The following PRKN variants were observed in gnomAD, a reference collection of about 807,000 sequenced individuals.
PRKN encodes the protein E3 ubiquitin-protein ligase parkin.
In PRKN, 56 loss-of-function variants were observed where a neutral mutation model predicts 59.5. The observed-to-expected ratio is 0.94, with a 90% CI of 0.76 to 1.18. The LOEUF is 1.18. PRKN is among the 50% of genes most tolerant of loss of function. The pLI is 0.00. For synonymous variants in PRKN, 250 were observed against 222.1 expected (o/e 1.13, Z -1.12); for missense variants, 657 against 596.4 (o/e 1.10, Z -1.06).
chr6:162,626,800 C>T lies in PRKN; in HGVS notation c.7+100862G>A, dbSNP rs1303618481. Among the ~76,000 whole-genome samples the T allele has an allele frequency of 1.4e-4, 18 of 131,514 alleles. No homozygotes were observed. In the East Asian group the frequency reaches 2.4e-3, roughly 17 times the overall value. The allele number at this position is 131,514 out of a possible 152,430, so 86.3% of individuals were successfully genotyped here. Reference sequence around the variant, plus strand: ...CTGCACTCCAGCCTGGACAACACAGCGAGACTCTGTCTCCAAAAAAAAAAA... The same window carrying T: ...CTGCACTCCAGCCTGGACAACACAGTGAGACTCTGTCTCCAAAAAAAAAAA... On this transcript the variant is annotated intron_variant, in intron 1 of 11. Transcript: ENST00000366898.
chr6:162,240,707 C>T (rs766466925), intron 3 of PRKN, among the ~76,000 whole-genome samples: 3 of 152,148 alleles, frequency 2.0e-5, no homozygotes, highest in Admixed American at 6.5e-5. Context: ...TGTATAATTG[C>T]GTCCAAATCC....
intron 4 of PRKN, among the ~76,000 whole-genome samples, chr6:162,180,795 T>C (rs1783768482): frequency 6.6e-6 from 1 of 152,314 alleles, no homozygotes; most frequent in African/African-American, 2.4e-5. Context: ...GCAAGTGCGT[T>C]ATACAACAGG....
chr6:162,101,597 G>A (rs1425459163), intron 4 of PRKN, among the ~76,000 whole-genome samples: 12 of 151,984 alleles, frequency 7.9e-5, no homozygotes, highest in Admixed American at 1.3e-4. Flanking sequence ...GCGTAAACCC[G>A]GGAGGTGGAG....
At chr6:161,835,691 C>T (rs1025546880) in intron 6 of PRKN, among the ~76,000 whole-genome samples, 3 of 152,214 alleles carry the variant, frequency 2.0e-5, no homozygotes, top group African/African-American at 7.2e-5. Context: ...GCAAACTTTG[C>T]TTGTAGGCAA....
intron 3 of PRKN, among the ~76,000 whole-genome samples, chr6:162,206,227 A>T (rs527485503): frequency 6.6e-6 from 1 of 152,038 alleles, no homozygotes; most frequent in African/African-American, 2.4e-5. Flanking sequence ...TTGAAATCTG[A>T]CCCATATGCT....
rs146577493 is a variant in PRKN at position 162,218,182 on chromosome 6, T to C, written c.413-16930A>G. 5.7e-3 allele frequency among the ~76,000 whole-genome samples: 866 copies of C among 152,264 alleles called. 6 individuals are homozygous for C. Among genetic ancestry groups the C allele is most frequent in the Non-Finnish European group, 9.9e-3 (672 of 68,018 alleles). On this transcript the variant is annotated intron_variant, in intron 3 of 11. Coordinates refer to ENST00000366898, the MANE Select transcript of PRKN (RefSeq NM_004562.3). Reference sequence around the variant, plus strand: ...GGGGAGCAGCGTGATGGAGGTGCTTTCCAGAAGGCGGTGCTGACCAGGCCG... The same window carrying C: ...GGGGAGCAGCGTGATGGAGGTGCTTCCCAGAAGGCGGTGCTGACCAGGCCG...
At chr6:161,928,455 T>C (rs1448928410) in intron 6 of PRKN, among the ~76,000 whole-genome samples, 1 of 151,566 alleles carries the variant, frequency 6.6e-6, no homozygotes, top group Non-Finnish European at 1.5e-5. Flanking sequence ...AGATTTAATA[T>C]TTCTTAGCTT....
chr6:162,359,079 A>AAAAAAAATATATATATATATATATATAT (rs57265104), intron 2 of PRKN, among the ~76,000 whole-genome samples: 1 of 83,274 alleles, frequency 1.2e-5, no homozygotes, highest in African/African-American at 7.3e-5. Context: ...AAAAAAAAAA[A>AAAAAAAATATATATATATATATATATAT]ATATATATAT....
chr6:162,065,688 T>A (rs1327373067), intron 4 of PRKN, among the ~76,000 whole-genome samples: 3 of 152,122 alleles, frequency 2.0e-5, no homozygotes, highest in Non-Finnish European at 4.4e-5. Flanking sequence ...GTCATTTACA[T>A]CAGGTATTTC....
intron 7 of PRKN, among the ~76,000 whole-genome samples, chr6:161,622,161 G>T (rs1233236586): frequency 6.6e-6 from 1 of 152,124 alleles, no homozygotes. Flanking sequence ...CAGATGGGGG[G>T]CTGCCCTCTA....
intron 8 of PRKN, among the ~76,000 whole-genome samples, chr6:161,565,883 G>A (rs886555508): frequency 3.3e-5 from 5 of 152,048 alleles, no homozygotes; most frequent in South Asian, 4.2e-4. Flanking sequence ...ATGCTCATAC[G>A]TCTGTGCCTG....
chr6:162,508,112 G>A (rs1793688255), intron 1 of PRKN, among the ~76,000 whole-genome samples: 1 of 152,176 alleles, frequency 6.6e-6, no homozygotes, highest in African/African-American at 2.4e-5. Context: ...AATCATGGCA[G>A]GAGGCAAAAG....
In PRKN at chr6:161,360,279, G is replaced by T; in HGVS notation, c.1168-74C>A. The T allele has an allele frequency of 1.7e-6, 2 of 1,169,502 alleles. No homozygotes were observed. Among genetic ancestry groups the T allele is most frequent in the Non-Finnish European group, 2.6e-6 (2 of 774,192 alleles). 72.4% of individuals were successfully genotyped at this position (1,169,502 alleles called of 1,614,324 possible). A position where few individuals can be genotyped will look rare whatever the true frequency, so the allele number is the denominator to read the frequency against. Reference sequence around the variant, plus strand: ...GGATCAGAGTTTATGTTCCCTGTACGTCGGTACAGGAAATTCTTGAAGACA... The same window carrying T: ...GGATCAGAGTTTATGTTCCCTGTACTTCGGTACAGGAAATTCTTGAAGACA... On this transcript the variant is annotated intron_variant, in intron 10 of 11. Transcript: ENST00000366898. The surrounding 1 kb of genome is among the most constrained non-coding windows in gnomAD (Gnocchi z 5.1).
intron 1 of PRKN, among the ~76,000 whole-genome samples, chr6:162,654,848 G>A (rs1313490774): frequency 6.6e-6 from 1 of 152,006 alleles, no homozygotes; most frequent in Non-Finnish European, 1.5e-5. Flanking sequence ...AGTGAAGTGG[G>A]GGGGGAAATC....
At chr6:161,508,713 TG>T (rs2115324938) in intron 9 of PRKN, among the ~76,000 whole-genome samples, 1 of 152,344 alleles carries the variant, frequency 6.6e-6, no homozygotes, top group African/African-American at 2.4e-5. Flanking sequence ...TAATAATTTT[TG>T]TCACTCTCAG....
chr6:162,629,353 C>T (rs1783015285), intron 1 of PRKN, among the ~76,000 whole-genome samples: 1 of 151,990 alleles, frequency 6.6e-6, no homozygotes, highest in Non-Finnish European at 1.5e-5. Context: ...TGCTAATTAC[C>T]TACAAATCAC....
At chr6:161,803,802 G>T (rs1397723772) in intron 6 of PRKN, among the ~76,000 whole-genome samples, 1 of 152,222 alleles carries the variant, frequency 6.6e-6, no homozygotes, top group Non-Finnish European at 1.5e-5. Context: ...TGCCTCCTAA[G>T]TTCCTGGCAT....
At chr6:161,782,263 G>T (rs1451461658) in intron 7 of PRKN, among the ~76,000 whole-genome samples, 1 of 152,118 alleles carries the variant, frequency 6.6e-6, no homozygotes, top group Admixed American at 6.5e-5. Context: ...ACTAGGGAGT[G>T]ATCTTTAAAA....
intron 2 of PRKN, among the ~76,000 whole-genome samples, chr6:162,403,986 G>A (rs1174742335): frequency 6.6e-6 from 1 of 152,104 alleles, no homozygotes; most frequent in East Asian, 1.9e-4. Context: ...TTCACTTCAT[G>A]ATTTTGCCTG....
Sources: gnomAD v4.1 joint callset for allele counts (sites outside exome capture counted in the v4.1 genomes callset) on GRCh38, gnomAD v4.1.1 for gene constraint, Gnocchi (gnomAD v3.1) non-coding constraint, MANE v1.5 for transcripts, NCBI Gene and HGNC (gene_info 2026-07-23, HGNC 2026-07-21) for gene names.